Variants in RIMBP2 observed in about 807,000 individuals in gnomAD.
RIMBP2 encodes RIMS binding protein 2, also known as RIMS-binding protein 2.
In RIMBP2, 48 loss-of-function variants were observed where a neutral mutation model predicts 118.6. The observed-to-expected ratio is 0.40, with a 90% CI of 0.32 to 0.51. The LOEUF (loss-of-function observed/expected upper bound fraction) is 0.51. RIMBP2 is among the 20% of genes least tolerant of loss of function. The pLI, the probability that RIMBP2 is intolerant of heterozygous loss-of-function variation, is 0.41. For missense variants in RIMBP2, 1,551 were observed against 1,768.3 expected (o/e 0.88, Z 2.20); for synonymous variants, 762 against 742.9 (o/e 1.03, Z -0.42).
At chr12:130,421,245 G>A (rs1362295340) in intron 17 of RIMBP2, among the ~76,000 whole-genome samples, 1 of 152,212 alleles carries the variant, frequency 6.6e-6, no homozygotes, top group Non-Finnish European at 1.5e-5. Context: ...AGGAATCTGG[G>A]CTCCACTAAC....
At chr12:130,473,393 C>T (rs1186282686) in intron 5 of RIMBP2, among the ~76,000 whole-genome samples, 4 of 152,204 alleles carry the variant, frequency 2.6e-5, no homozygotes, top group Non-Finnish European at 5.9e-5. Context: ...ATCTGCTCTC[C>T]GGGAGGTGGG....
At chr12:130,534,454 C>T (rs1475912263) in intron 2 of RIMBP2, among the ~76,000 whole-genome samples, 1 of 150,904 alleles carries the variant, frequency 6.6e-6, no homozygotes, top group Non-Finnish European at 1.5e-5. Context: ...TCTAGTAAAA[C>T]AAGAAAAAAA....
rs929665518 is a variant in RIMBP2, at chr12:130,621,976, G to T, written c.-217+6346C>A. 5.3e-5 allele frequency among the ~76,000 whole-genome samples: 8 copies of T among 152,142 alleles called. No homozygotes were observed. Among genetic ancestry groups the T allele is most frequent in the Non-Finnish European group, 1.2e-4 (8 of 68,034 alleles). On this transcript the variant is annotated intron_variant, in intron 2 of 22. Coordinates refer to ENST00000690449, the MANE Select transcript of RIMBP2 (RefSeq NM_001393629.1). The surrounding 1 kb of genome is among the most constrained non-coding windows in gnomAD (Gnocchi z 6.6). ...TCAGTATCAACAGAGCCCATTCCAC[G>T]TCGACTTGTCTACTTTAAAAAATAA...
intron 1 of RIMBP2, among the ~76,000 whole-genome samples, chr12:130,666,277 G>C (rs925141358): frequency 1.3e-5 from 2 of 152,196 alleles, no homozygotes; most frequent in African/African-American, 2.4e-5. Context: ...TGCAAGAAGA[G>C]AGAGTCTAAA....
At position 130,664,409 on chromosome 12, in the gene RIMBP2, A is replaced by ATGCACACGCACG. The variant is rs1555320858; in HGVS notation, c.-351-35954_-351-35953insCGTGCGTGTGCA. Among the ~76,000 whole-genome samples, 4 of 97,772 alleles carry ATGCACACGCACG rather than the reference A, an allele frequency of 4.1e-5. 1 individual carries two copies. Among genetic ancestry groups the ATGCACACGCACG allele is most frequent in the African/African-American group, 1.2e-4 (4 of 32,158 alleles). 64.1% of individuals were successfully genotyped at this position (97,772 alleles called of 152,430 possible). ...CGCATGCACACACACGCACGCACGCACGCACACACACGCACACACATGCAT... is the reference window on the plus strand; with the variant it reads ...CGCATGCACACACACGCACGCACGCATGCACACGCACGCGCACACACACGCACACACATGCAT... On this transcript the variant is annotated intron_variant, in intron 1 of 22. Transcript: ENST00000690449.
chr12:130,418,017 G>A (rs761227919), intron 17 of RIMBP2, among the ~76,000 whole-genome samples: 8 of 152,184 alleles, frequency 5.3e-5, no homozygotes, highest in Non-Finnish European at 1.2e-4. Flanking sequence ...GTCCCAGCAC[G>A]AGGAACACAG....
intron 2 of RIMBP2, among the ~76,000 whole-genome samples, chr12:130,567,663 C>T (rs1349651671): frequency 6.6e-6 from 1 of 152,194 alleles, no homozygotes; most frequent in Non-Finnish European, 1.5e-5. Context: ...GCAGGCTCAG[C>T]ATCACATATC....
At chr12:130,590,122 G>A (rs951546986) in intron 2 of RIMBP2, among the ~76,000 whole-genome samples, 4 of 152,170 alleles carry the variant, frequency 2.6e-5, no homozygotes, top group Admixed American at 6.5e-5. Flanking sequence ...TCTACACCAG[G>A]AAGGCAATCC....
intron 2 of RIMBP2, among the ~76,000 whole-genome samples, chr12:130,604,187 CT>C: frequency 6.6e-6 from 1 of 151,066 alleles, no homozygotes; most frequent in African/African-American, 2.4e-5. Flanking sequence ...GAAAAAAATT[CT>C]TATGGAATAA....
chr12:130,661,968 T>G (rs2063683384), intron 1 of RIMBP2, among the ~76,000 whole-genome samples: 1 of 152,184 alleles, frequency 6.6e-6, no homozygotes, highest in African/African-American at 2.4e-5. Flanking sequence ...CCTTAGGAGC[T>G]CTGAGTCTCA....
rs115484698 is a variant in RIMBP2, at chr12:130,643,663, G to A, written c.-351-15207C>T. ...CACCCAGGCTGCACTCTGCGGAGGC[G>A]GGGACCACTGCTCCATGTCCTTCCA... On this transcript the variant is annotated intron_variant, in intron 1 of 22. Coordinates refer to ENST00000690449, the MANE Select transcript of RIMBP2 (RefSeq NM_001393629.1). Among the ~76,000 whole-genome samples, 1,100 of 152,326 alleles carry A rather than the reference G, an allele frequency of 7.2e-3. 11 individuals carry two copies. Among genetic ancestry groups the A allele is most frequent in the African/African-American group, 0.025 (1,052 of 41,584 alleles).
chr12:130,568,688 G>T (rs1244960282), intron 2 of RIMBP2, among the ~76,000 whole-genome samples: 1 of 152,198 alleles, frequency 6.6e-6, no homozygotes, highest in African/African-American at 2.4e-5. Flanking sequence ...TAAATGCTTT[G>T]CTTTGAGACA....
chr12:130,575,854 C>A (rs1240092030), intron 2 of RIMBP2, among the ~76,000 whole-genome samples: 2 of 152,170 alleles, frequency 1.3e-5, no homozygotes, highest in Non-Finnish European at 2.9e-5. Flanking sequence ...TGAAAATAAT[C>A]GTGGTGGAAA....
At chr12:130,679,302 T>C (rs903821170) in intron 1 of RIMBP2, among the ~76,000 whole-genome samples, 5 of 152,218 alleles carry the variant, frequency 3.3e-5, no homozygotes, top group Admixed American at 6.5e-5. Flanking sequence ...GTACAGAGCC[T>C]GGCATAACCA....
At chr12:130,582,057 C>T (rs2058516428) in intron 2 of RIMBP2, among the ~76,000 whole-genome samples, 3 of 152,060 alleles carry the variant, frequency 2.0e-5, no homozygotes, top group Admixed American at 1.3e-4. Context: ...ACTTCCTCAC[C>T]CACGTAAGGT....
chr12:130,700,325 C>T (rs2065797520), intron 1 of RIMBP2, among the ~76,000 whole-genome samples: 1 of 152,216 alleles, frequency 6.6e-6, no homozygotes, highest in Admixed American at 6.5e-5. Flanking sequence ...ACACCAGCCA[C>T]ACCCCGCAAG....
intron 16 of RIMBP2, among the ~76,000 whole-genome samples, chr12:130,423,168 T>A (rs550249461): frequency 1.1e-4 from 17 of 152,318 alleles, no homozygotes; most frequent in African/African-American, 4.1e-4. Context: ...AGGGTTAGGA[T>A]TGACTAAAGA....
At chr12:130,498,822 A>C (rs542420186) in intron 4 of RIMBP2, among the ~76,000 whole-genome samples, 1 of 152,260 alleles carries the variant, frequency 6.6e-6, no homozygotes, top group South Asian at 2.1e-4. Flanking sequence ...GTAACTACCC[A>C]AGTGGAGGCC....
In RIMBP2 at chr12:130,512,361, C is replaced by T. The variant is rs185279913; in HGVS notation, c.-127+5467G>A. Among the ~76,000 whole-genome samples, 327 of 152,108 alleles carry T rather than the reference C, an allele frequency of 2.1e-3. 1 individual carries two copies. Among genetic ancestry groups the T allele is most frequent in the Non-Finnish European group, 3.5e-3 (235 of 68,002 alleles). On this transcript the variant is annotated intron_variant, in intron 3 of 22. Transcript: ENST00000690449. Reference sequence around the variant, plus strand: ...TTTTCTTGAGAGAGCCTCACTCTGTCGCCCAGGCTGGAGTGCAGTGGCATG... The same window carrying T: ...TTTTCTTGAGAGAGCCTCACTCTGTTGCCCAGGCTGGAGTGCAGTGGCATG...
Sources: gnomAD v4.1 joint callset for allele counts (sites outside exome capture counted in the v4.1 genomes callset) on GRCh38, gnomAD v4.1.1 for gene constraint, Gnocchi (gnomAD v3.1) non-coding constraint, MANE v1.5 for transcripts, NCBI Gene and HGNC (gene_info 2026-07-23, HGNC 2026-07-21) for gene names.